Variants in KCNJ10 observed in about 807,000 individuals in gnomAD.
The protein encoded by KCNJ10 is ATP-sensitive inward rectifier potassium channel 10.
Under a neutral mutation model 22.2 loss-of-function variants are expected in KCNJ10, and 9 were observed. That is an observed-to-expected ratio of 0.40 (90% CI 0.24 to 0.71). The LOEUF is 0.71. KCNJ10 is among the 30% of genes least tolerant of loss of function. The probability of loss-of-function intolerance (pLI) is 0.35; values close to 1 mark genes in which losing one functional copy is unlikely to be tolerated. For missense variants in KCNJ10, 337 were observed against 482.7 expected (o/e 0.70, Z 2.83); for synonymous variants, 184 against 187.3 (o/e 0.98, Z 0.15).
At chr1:160,068,298 A>G (rs892403456) in intron 1 of KCNJ10, among the ~76,000 whole-genome samples, 10 of 150,674 alleles carry the variant, frequency 6.6e-5, no homozygotes, top group Non-Finnish European at 1.3e-4. Flanking sequence ...CCCACCCTCC[A>G]TCGGTGGAGT....
intron 1 of KCNJ10, among the ~76,000 whole-genome samples, chr1:160,049,680 TATATATATATATA>T (rs1557970352): frequency 0.016 from 1,118 of 71,368 alleles, 57 homozygotes; most frequent in African/African-American, 0.049. Context: ...TTTATTTATA[TATATATATATATA>T]TATATATATA....
chr1:160,069,840 G>A (rs985222445), intron 1 of KCNJ10, among the ~76,000 whole-genome samples, 182 bp downstream of exon 1: 1 of 152,206 alleles, frequency 6.6e-6, no homozygotes, highest in Non-Finnish European at 1.5e-5. Flanking sequence ...CTCGTGGGGA[G>A]CCCTTCCCAG....
At chr1:160,064,132 T>C (rs1649262246) in intron 1 of KCNJ10, among the ~76,000 whole-genome samples, 1 of 152,210 alleles carries the variant, frequency 6.6e-6, no homozygotes, top group South Asian at 2.1e-4. Context: ...ATATTCAAAT[T>C]GGCCCAGGTT....
At chr1:160,046,784 C>CCA (rs2101927131) in intron 1 of KCNJ10, among the ~76,000 whole-genome samples, 1 of 152,278 alleles carries the variant, frequency 6.6e-6, no homozygotes, top group South Asian at 2.1e-4. Flanking sequence ...GGGAAGGAAT[C>CCA]GAGCCAAAGC....
At chr1:160,057,610 T>C (rs1649071990) in intron 1 of KCNJ10, among the ~76,000 whole-genome samples, 3 of 152,058 alleles carry the variant, frequency 2.0e-5, no homozygotes, top group Non-Finnish European at 2.9e-5. Flanking sequence ...GCCTCAGGAG[T>C]ATCAGGCAGC....
intron 1 of KCNJ10, among the ~76,000 whole-genome samples, chr1:160,042,821 C>T (rs1197800104): frequency 6.6e-6 from 1 of 151,804 alleles, no homozygotes; most frequent in African/African-American, 2.4e-5. Flanking sequence ...CCTGTAGTCC[C>T]AGCTACTCAG....
intron 1 of KCNJ10, among the ~76,000 whole-genome samples, chr1:160,065,876 G>T (rs1320141046): frequency 2.6e-5 from 4 of 152,136 alleles, no homozygotes; most frequent in African/African-American, 9.7e-5. Context: ...GAGTCGAGGA[G>T]AGAGGGGGCT....
intron 1 of KCNJ10, among the ~76,000 whole-genome samples, chr1:160,057,261 T>G (rs1055207428): frequency 2.0e-5 from 3 of 152,222 alleles, no homozygotes; most frequent in Non-Finnish European, 2.9e-5. Flanking sequence ...ATAAAGTCAC[T>G]TGCTGACGTT....
intron 1 of KCNJ10, among the ~76,000 whole-genome samples, chr1:160,068,275 CT>C (rs1353028664): frequency 1.8e-5 from 2 of 111,084 alleles, no homozygotes; most frequent in African/African-American, 6.3e-5. Context: ...ACCCCTGCCA[CT>C]CCCACTCCCC....
chr1:160,064,450 C>T (rs1204220269), intron 1 of KCNJ10, among the ~76,000 whole-genome samples: 2 of 152,196 alleles, frequency 1.3e-5, no homozygotes, highest in South Asian at 2.1e-4. Context: ...CAATGTCACT[C>T]TTCTTATTAA....
chr1:160,059,359 G>A (rs1311291685), intron 1 of KCNJ10, among the ~76,000 whole-genome samples: 2 of 152,192 alleles, frequency 1.3e-5, no homozygotes, highest in Non-Finnish European at 2.9e-5. Context: ...AGATCACACT[G>A]CTAGCTGGTA....
In KCNJ10 at chr1:160,061,088, C is replaced by T. The variant is rs141388455; in HGVS notation, c.-1+8934G>A. On this transcript the variant is annotated intron_variant, in intron 1 of 1. Coordinates refer to ENST00000644903, the MANE Select transcript of KCNJ10 (RefSeq NM_002241.5). ...CCTAGACCCGTTCTTCTCCCCACCC[C>T]TTCCCCTCACCATGCCCCCACTCCT... 8.8e-3 allele frequency among the ~76,000 whole-genome samples: 1,334 copies of T among 152,270 alleles called. 11 individuals carry two copies. Among genetic ancestry groups the T allele is most frequent in the Middle Eastern group, 0.044 (13 of 294 alleles).
intron 1 of KCNJ10, among the ~76,000 whole-genome samples, chr1:160,051,103 C>T (rs1477917288): frequency 6.6e-6 from 1 of 152,112 alleles, no homozygotes; most frequent in Non-Finnish European, 1.5e-5. Context: ...GCCACCATAA[C>T]CAGCTGGCCA....
chr1:160,049,933 G>A (rs377344583), intron 1 of KCNJ10, among the ~76,000 whole-genome samples: 21 of 150,652 alleles, frequency 1.4e-4, no homozygotes, highest in African/African-American at 4.1e-4. Context: ...TCTCACTCTG[G>A]GGCCTTCTCA....
intron 1 of KCNJ10, among the ~76,000 whole-genome samples, chr1:160,048,256 G>A (rs972222356): frequency 7.9e-5 from 12 of 152,236 alleles, no homozygotes; most frequent in Non-Finnish European, 1.0e-4. Flanking sequence ...AGTTCACACA[G>A]ACCTTCAGGA....
At chr1:160,045,230 A>G (rs181735711) in intron 1 of KCNJ10, among the ~76,000 whole-genome samples, 14 of 152,294 alleles carry the variant, frequency 9.2e-5, no homozygotes, top group African/African-American at 3.4e-4. Flanking sequence ...ATAGCCTGGA[A>G]TTCATTTTCT....
In KCNJ10 at chr1:160,056,564, C is replaced by T. The variant is rs538838398; in HGVS notation, c.-1+13458G>A. Among the ~76,000 whole-genome samples the T allele has an allele frequency of 2.0e-5, 3 of 152,314 alleles. No individual in the cohort carries two copies. In the East Asian group the frequency reaches 5.8e-4, roughly 29 times the overall value. On this transcript the variant is annotated intron_variant, in intron 1 of 1. Transcript: ENST00000644903. ...CAAGGCCCTTCCCCAGTGCTCTCTC[C>T]ACTGTGGAGCCTTCCCCACCTCCCA...
chr1:160,058,297 C>A (rs1448245882), intron 1 of KCNJ10, among the ~76,000 whole-genome samples: 2 of 152,208 alleles, frequency 1.3e-5, no homozygotes, highest in African/African-American at 4.8e-5. Context: ...CTCTTCTCTG[C>A]AGGCTGTGCT....
chr1:160,053,260 T>C (rs1571270985), intron 1 of KCNJ10, among the ~76,000 whole-genome samples: 1 of 152,282 alleles, frequency 6.6e-6, no homozygotes, highest in Non-Finnish European at 1.5e-5. Flanking sequence ...AACCATATTA[T>C]CTGTTTTTGG....
Sources: allele counts gnomAD v4.1 joint callset (sites outside exome capture counted in the v4.1 genomes callset), GRCh38; gene constraint gnomAD v4.1.1; transcripts MANE v1.5; gene names NCBI Gene and HGNC (gene_info 2026-07-23, HGNC 2026-07-21).